FAM110B: variants seen among roughly 807,000 people sequenced by gnomAD.
FAM110B encodes the protein protein FAM110B.
FAM110B carries 6 observed loss-of-function variants against 20.4 expected under a neutral mutation model. That is an observed-to-expected ratio of 0.29 (90% CI 0.16 to 0.58). The LOEUF (loss-of-function observed/expected upper bound fraction) is 0.58, where lower values mean the gene tolerates loss of function less well. FAM110B is among the 20% of genes least tolerant of loss of function. The pLI, the probability that FAM110B is intolerant of heterozygous loss-of-function variation, is 0.90. For synonymous variants in FAM110B, 226 were observed against 214.1 expected (o/e 1.06, Z -0.49); for missense variants, 434 against 498.2 (o/e 0.87, Z 1.23).
rs181191222 is a variant in FAM110B at position 58,005,430 on chromosome 8, C to T, written c.-512+10624C>T. On this transcript the variant is annotated intron_variant, in intron 1 of 3. Transcript: ENST00000519262. ...AAAGTTTAAAATATTGTGCGAATTA[C>T]CAAAATGTGATACACAGACCAGAAG... Among the ~76,000 whole-genome samples, 353 of 152,292 alleles carry T rather than the reference C, an allele frequency of 2.3e-3. 1 individual carries two copies. Among genetic ancestry groups the T allele is most frequent in the Non-Finnish European group, 3.6e-3 (242 of 68,028 alleles).
At chr8:58,145,564 A>G (rs973552669) in intron 3 of FAM110B, among the ~76,000 whole-genome samples, 3 of 152,204 alleles carry the variant, frequency 2.0e-5, no homozygotes, top group Non-Finnish European at 4.4e-5. Context: ...CCTCATTCCT[A>G]CGTTCATCAA....
At chr8:58,102,547 A>G (rs569661520) in intron 3 of FAM110B, among the ~76,000 whole-genome samples, 1 of 152,308 alleles carries the variant, frequency 6.6e-6, no homozygotes, top group African/African-American at 2.4e-5. Flanking sequence ...AAAGGAATTT[A>G]TTTGGGCAAG....
intron 3 of FAM110B, among the ~76,000 whole-genome samples, chr8:58,102,119 A>G (rs1806793244): frequency 6.6e-6 from 1 of 152,212 alleles, no homozygotes; most frequent in Admixed American, 6.5e-5. Context: ...ACACTTTTCA[A>G]GAATGTGTTT....
rs1805394177 is a variant in FAM110B at position 58,049,365 on chromosome 8, A to C, written c.-414+17662A>C. ...GTCAACTATCTTTCATATTTAAGCA[A>C]GTTACAATGGATACAAATATTTCTT... On this transcript the variant is annotated intron_variant, in intron 2 of 3. Transcript: ENST00000519262. Among the ~76,000 whole-genome samples the C allele has an allele frequency of 2.6e-5, 4 of 152,164 alleles. No individual in the cohort carries two copies. In the South Asian group the frequency reaches 8.3e-4, roughly 31 times the overall value.
chr8:58,048,171 C>G (rs906977045), intron 2 of FAM110B, among the ~76,000 whole-genome samples: 2 of 152,176 alleles, frequency 1.3e-5, no homozygotes, highest in African/African-American at 4.8e-5. Flanking sequence ...TTTTCTCTAA[C>G]TTAGGCTCTT....
rs144447424 is a variant in FAM110B at position 58,134,475 on chromosome 8, T to G, written c.-324-11432T>G. ...ATATATACACATTCCCAACTTCACTTCCCAAGATTTTATCTGACATTTTCA... is the reference window on the plus strand; with the variant it reads ...ATATATACACATTCCCAACTTCACTGCCCAAGATTTTATCTGACATTTTCA... On this transcript the variant is annotated intron_variant, in intron 3 of 3. Coordinates refer to ENST00000519262, the MANE Select transcript of FAM110B (RefSeq NM_001377989.1). Among the ~76,000 whole-genome samples the G allele has an allele frequency of 3.5e-3, 528 of 152,336 alleles. 3 individuals are homozygous for G. The highest frequency in any genetic ancestry group is 0.017 in the Middle Eastern group (5 of 294).
chr8:58,094,984 G>A (rs1323462919), intron 3 of FAM110B, among the ~76,000 whole-genome samples: 3 of 152,188 alleles, frequency 2.0e-5, no homozygotes, highest in Non-Finnish European at 2.9e-5. Flanking sequence ...TTGGGAGAGT[G>A]TATGTGTCCA....
At chr8:58,037,660 T>C (rs1475225732) in intron 2 of FAM110B, among the ~76,000 whole-genome samples, 1 of 151,938 alleles carries the variant, frequency 6.6e-6, no homozygotes, top group Non-Finnish European at 1.5e-5. Context: ...AGTTTTCCGA[T>C]TTAGGTTGCA....
chr8:58,115,463 G>C (rs972757904), intron 3 of FAM110B, among the ~76,000 whole-genome samples: 2 of 151,790 alleles, frequency 1.3e-5, no homozygotes, highest in Non-Finnish European at 2.9e-5. Flanking sequence ...GCACAATCTC[G>C]GCTCACTGCA....
intron 3 of FAM110B, among the ~76,000 whole-genome samples, chr8:58,136,629 A>G (rs1803624437): frequency 6.6e-6 from 1 of 152,192 alleles, no homozygotes; most frequent in African/African-American, 2.4e-5. Context: ...GGTTATGCGC[A>G]GCACTGATTT....
intron 3 of FAM110B, among the ~76,000 whole-genome samples, chr8:58,076,238 G>T (rs1394121610): frequency 6.6e-6 from 1 of 152,210 alleles, no homozygotes; most frequent in Non-Finnish European, 1.5e-5. Flanking sequence ...GGGTTTACAG[G>T]CATGAGCCAC....
intron 2 of FAM110B, among the ~76,000 whole-genome samples, chr8:58,036,697 G>T (rs1165819064): frequency 6.6e-6 from 1 of 152,172 alleles, no homozygotes; most frequent in African/African-American, 2.4e-5. Flanking sequence ...ACACATGTGT[G>T]CACACATACA....
rs1168278390 is a variant in FAM110B, at chr8:58,146,815, C to G, written c.585C>G (p.His195Gln). Residue 195 changes from histidine to glutamine, a missense_variant, in exon 4 of 4, where the codon CAC becomes CAG. His to Gln is a conservative substitution (Grantham distance 24, BLOSUM62 0). This residue lies in a region of FAM110B where 284 missense variants were observed against 278.3 expected (regional missense o/e 1.02). Coordinates refer to ENST00000519262, the MANE Select transcript of FAM110B (RefSeq NM_001377989.1). ...LLEQSAESFL[H>Q]VSHSSSDIRK... Reference sequence around the variant, plus strand: ...AGCAGTCAGCCGAGTCCTTCCTCCACGTGTCCCACAGCTCTTCGGACATCC... The same window carrying G: ...AGCAGTCAGCCGAGTCCTTCCTCCAGGTGTCCCACAGCTCTTCGGACATCC... 1.2e-6 allele frequency: 2 copies of G among 1,610,292 alleles called. No individual in the cohort carries two copies. Among genetic ancestry groups the G allele is most frequent in the South Asian group, 2.2e-5 (2 of 90,670 alleles).
intron 1 of FAM110B, among the ~76,000 whole-genome samples, chr8:58,008,252 C>G (rs989294735): frequency 6.6e-6 from 1 of 151,464 alleles, no homozygotes; most frequent in Admixed American, 6.6e-5. Flanking sequence ...CCTGCCTCAG[C>G]TTCCCAAGTA....
intron 2 of FAM110B, among the ~76,000 whole-genome samples, chr8:58,035,795 G>A (rs919200154): frequency 6.6e-6 from 1 of 152,216 alleles, no homozygotes; most frequent in Non-Finnish European, 1.5e-5. Flanking sequence ...CAGTGATAGT[G>A]ATACTTGTTC....
At chr8:58,073,278 CAG>C (rs998379809) in intron 2 of FAM110B, among the ~76,000 whole-genome samples, 6 of 152,120 alleles carry the variant, frequency 3.9e-5, no homozygotes, top group African/African-American at 1.4e-4. Flanking sequence ...ACGAGGCAGA[CAG>C]AGAGACATAG....
chr8:58,129,093 A>G (rs1585910573), intron 3 of FAM110B, among the ~76,000 whole-genome samples: 1 of 152,242 alleles, frequency 6.6e-6, no homozygotes, highest in African/African-American at 2.4e-5. Flanking sequence ...TAGAGCTATT[A>G]AACAAAAGAG....
At chr8:58,033,469 C>G (rs1315028625) in intron 2 of FAM110B, among the ~76,000 whole-genome samples, 1 of 152,136 alleles carries the variant, frequency 6.6e-6, no homozygotes, top group Non-Finnish European at 1.5e-5. Flanking sequence ...GAGAAGTCTC[C>G]AAACTACTTT....
intron 2 of FAM110B, among the ~76,000 whole-genome samples, chr8:58,048,225 T>C (rs1248695521): frequency 6.6e-6 from 1 of 152,210 alleles, no homozygotes; most frequent in Non-Finnish European, 1.5e-5. Flanking sequence ...TGTTCATATT[T>C]TGAGGATAAA....
Sources: allele counts gnomAD v4.1 joint callset (sites outside exome capture counted in the v4.1 genomes callset), GRCh38; gene constraint gnomAD v4.1.1; regional missense constraint gnomAD v4.1.1; transcripts MANE v1.5; gene names NCBI Gene and HGNC (gene_info 2026-07-23, HGNC 2026-07-21).